Variants in CTNNA2 observed in about 807,000 individuals in gnomAD.
CTNNA2 encodes catenin alpha-2.
Under a neutral mutation model 101.0 loss-of-function variants are expected in CTNNA2, and 42 were observed. The observed-to-expected ratio is 0.42, with a 90% CI of 0.32 to 0.54. The LOEUF is 0.54. CTNNA2 is among the 20% of genes least tolerant of loss of function. The probability of loss-of-function intolerance (pLI) is 0.14; values close to 1 mark genes in which losing one functional copy is unlikely to be tolerated. For missense variants in CTNNA2, 871 were observed against 1,223.1 expected (o/e 0.71, Z 4.29); for synonymous variants, 450 against 456.4 (o/e 0.99, Z 0.18).
chr2:79,302,677 C>A (rs548975767), intron 2 of CTNNA2, among the ~76,000 whole-genome samples: 4 of 152,106 alleles, frequency 2.6e-5, no homozygotes, highest in South Asian at 4.1e-4. Context: ...CAAATTAGAT[C>A]TAGATTTTCT....
At chr2:79,364,944 A>T (rs1054824982) in intron 3 of CTNNA2, among the ~76,000 whole-genome samples, 15 of 152,156 alleles carry the variant, frequency 9.9e-5, no homozygotes, top group Non-Finnish European at 1.9e-4. Flanking sequence ...CTTGAATCTT[A>T]TGTGGGATTT....
chr2:80,262,430 A>T (rs1277897292), intron 7 of CTNNA2, among the ~76,000 whole-genome samples: 1 of 152,140 alleles, frequency 6.6e-6, no homozygotes, highest in Non-Finnish European at 1.5e-5. Context: ...ATTGGTGTAT[A>T]TATATTTTTG....
Position 79,734,288 on chromosome 2 carries a change from G to A in CTNNA2, c.103-10099G>A, listed in dbSNP as rs536448153. Among the ~76,000 whole-genome samples the A allele has an allele frequency of 4.7e-4, 71 of 152,190 alleles. 1 individual carries two copies. The South Asian group carries it at 0.014, about 30-fold the overall frequency. On this transcript the variant is annotated intron_variant, in intron 2 of 18. Coordinates refer to ENST00000402739, the MANE Select transcript of CTNNA2 (RefSeq NM_001282597.3). ...ATGGCTGTAAGTGTAGACATTGAAA[G>A]TTGTATAGATTTTAGGATAACCTAG...
At chr2:80,095,702 A>C (rs1481913703) in intron 7 of CTNNA2, among the ~76,000 whole-genome samples, 2 of 152,148 alleles carry the variant, frequency 1.3e-5, no homozygotes, top group Non-Finnish European at 2.9e-5. Flanking sequence ...GTCTATTCAG[A>C]GATTCAACTT....
chr2:80,285,670 A>G (rs997371034), intron 7 of CTNNA2, among the ~76,000 whole-genome samples: 3 of 152,180 alleles, frequency 2.0e-5, no homozygotes, highest in African/African-American at 7.2e-5. Flanking sequence ...CAGGACTCCC[A>G]GTGGGAATGC....
chr2:80,293,286 C>A (rs1288323000), intron 7 of CTNNA2, among the ~76,000 whole-genome samples: 3 of 152,186 alleles, frequency 2.0e-5, no homozygotes, highest in African/African-American at 7.2e-5. Context: ...CTGTGTGCTG[C>A]TGAGCCATCT....
intron 7 of CTNNA2, among the ~76,000 whole-genome samples, chr2:80,043,145 CCTTCCTTCCT>C (rs1696273663): frequency 3.2e-5 from 2 of 62,460 alleles, no homozygotes; most frequent in Non-Finnish European, 6.5e-5. Context: ...TTCCTTCCTT[CCTTCCTTCCT>C]TCCTTCCTTC....
At chr2:79,982,192 C>CTATATATATATATATA (rs70940064) in intron 7 of CTNNA2, among the ~76,000 whole-genome samples, 49 of 75,028 alleles carry the variant, frequency 6.5e-4, no homozygotes, top group South Asian at 1.0e-3. Flanking sequence ...GCATGTGCCA[C>CTATATATATATATATA]TATATATATA....
intron 3 of CTNNA2, among the ~76,000 whole-genome samples, chr2:79,816,184 A>G (rs974770226): frequency 6.6e-6 from 1 of 152,136 alleles, no homozygotes; most frequent in African/African-American, 2.4e-5. Context: ...AAGGTAAACA[A>G]TCATATCGTC....
chr2:79,767,944 G>A (rs539425453), intron 3 of CTNNA2, among the ~76,000 whole-genome samples: 1 of 151,852 alleles, frequency 6.6e-6, no homozygotes, highest in South Asian at 2.1e-4. Context: ...ACCCCAGCTA[G>A]TATGTCAGTA....
chr2:79,787,241 A>C (rs1674913014), intron 3 of CTNNA2, among the ~76,000 whole-genome samples: 1 of 152,170 alleles, frequency 6.6e-6, no homozygotes, highest in Non-Finnish European at 1.5e-5. Context: ...TTGTCTTTAT[A>C]TACTTATAAC....
chr2:79,396,087 G>A (rs561709351), intron 4 of CTNNA2, among the ~76,000 whole-genome samples: 92 of 152,176 alleles, frequency 6.0e-4, no homozygotes, highest in African/African-American at 2.0e-3. Context: ...TCAAGAGTTT[G>A]TTGTTTTATT....
chr2:80,241,886 C>A (rs918181695), intron 7 of CTNNA2, among the ~76,000 whole-genome samples: 1 of 152,056 alleles, frequency 6.6e-6, no homozygotes, highest in Admixed American at 6.6e-5. Flanking sequence ...CTATTCAAGT[C>A]CTATTAGTTA....
chr2:79,548,382 C>T (rs1324066591), intron 1 of CTNNA2, among the ~76,000 whole-genome samples: 2 of 152,254 alleles, frequency 1.3e-5, no homozygotes, highest in East Asian at 3.9e-4. Context: ...TTCACATTTC[C>T]ATTTTTAATG....
At chr2:79,731,513 G>T (rs1043454208) in intron 2 of CTNNA2, among the ~76,000 whole-genome samples, 2 of 152,058 alleles carry the variant, frequency 1.3e-5, no homozygotes, top group Non-Finnish European at 2.9e-5. Context: ...GATAGCTTGT[G>T]GCTACCCACC....
chr2:80,161,627 G>A (rs1019984179), intron 7 of CTNNA2, among the ~76,000 whole-genome samples: 5 of 152,004 alleles, frequency 3.3e-5, no homozygotes, highest in African/African-American at 1.2e-4. Context: ...AGTTTTTAAC[G>A]TTTGACTGAC....
At chr2:80,120,422 C>T (rs1252690029) in intron 7 of CTNNA2, among the ~76,000 whole-genome samples, 1 of 152,098 alleles carries the variant, frequency 6.6e-6, no homozygotes, top group Non-Finnish European at 1.5e-5. Flanking sequence ...AAAATAGAAA[C>T]CGAAGGAAAC....
intron 1 of CTNNA2, among the ~76,000 whole-genome samples, chr2:79,513,789 C>CTGA (rs1671659739): frequency 6.6e-6 from 1 of 152,218 alleles, no homozygotes; most frequent in Admixed American, 6.5e-5. Context: ...CCCCATACCC[C>CTGA]TCTTCAGCAG....
chr2:80,107,366 GA>G (rs1467344628), intron 7 of CTNNA2, among the ~76,000 whole-genome samples: 1 of 151,862 alleles, frequency 6.6e-6, no homozygotes, highest in Non-Finnish European at 1.5e-5. Context: ...ATTTCAGGGG[GA>G]TGGTTGGCCC....
Sources: allele counts gnomAD v4.1 joint callset (sites outside exome capture counted in the v4.1 genomes callset), GRCh38; gene constraint gnomAD v4.1.1; transcripts MANE v1.5; gene names NCBI Gene and HGNC (gene_info 2026-07-23, HGNC 2026-07-21).